Variants in MAP3K5 observed in about 807,000 individuals in gnomAD.
MAP3K5 encodes the protein ASK-1.
A neutral mutation model predicts 158.7 loss-of-function variants in MAP3K5; 56 were observed. That is an observed-to-expected ratio of 0.35 (90% CI 0.28 to 0.44). The LOEUF is 0.44. Ranked by LOEUF, MAP3K5 falls within the 20% of genes least tolerant of loss-of-function variation. The pLI is 1.00. For synonymous variants in MAP3K5, 579 were observed against 601.7 expected, an observed-to-expected ratio of 0.96 and a Z score of 0.55; for missense variants, 1,294 against 1,674.8, an observed-to-expected ratio of 0.77 and a Z score of 3.97.
intron 12 of MAP3K5, among the ~76,000 whole-genome samples, chr6:136,641,113 C>T (rs1777909686): frequency 1.3e-5 from 2 of 152,170 alleles, no homozygotes; most frequent in Admixed American, 1.3e-4. Flanking sequence ...GAGTGCCTTG[C>T]TAATGACTGG....
Position 136,701,907 on chromosome 6 carries a change from T to C in MAP3K5, c.612+3203A>G, listed in dbSNP as rs76937153. Among the ~76,000 whole-genome samples the C allele has an allele frequency of 7.2e-3, 1,095 of 152,334 alleles. 14 individuals carry two copies. The highest frequency in any genetic ancestry group is 0.025 in the African/African-American group (1,052 of 41,556). On this transcript the variant is annotated intron_variant, in intron 3 of 29. Transcript: ENST00000359015. ...TATATTAGTTTATCAGATATTATTA[T>C]TGAAATACGGGGCAATGGGGAATAC...
chr6:136,754,798 G>A (rs1582646262), intron 1 of MAP3K5, among the ~76,000 whole-genome samples: 2 of 152,236 alleles, frequency 1.3e-5, no homozygotes, highest in Admixed American at 6.5e-5. Context: ...GGAGGTCCTC[G>A]GCAGCCTAGG....
At chr6:136,778,820 C>A (rs1472359215) in intron 1 of MAP3K5, among the ~76,000 whole-genome samples, 1 of 152,068 alleles carries the variant, frequency 6.6e-6, no homozygotes, top group Non-Finnish European at 1.5e-5. Context: ...TTTCCCCAAA[C>A]AAAAAAACTG....
At chr6:136,748,134 T>A (rs1055631616) in intron 1 of MAP3K5, among the ~76,000 whole-genome samples, 1 of 152,246 alleles carries the variant, frequency 6.6e-6, no homozygotes, top group African/African-American at 2.4e-5. Flanking sequence ...TGTGTCCATG[T>A]AGGCATAGAG....
chr6:136,701,950 A>T (rs1417408381), intron 3 of MAP3K5, among the ~76,000 whole-genome samples: 2 of 152,218 alleles, frequency 1.3e-5, no homozygotes. Flanking sequence ...GTGTAAAACT[A>T]ATTCTGGGAG....
At chr6:136,752,191 T>C (rs1240390190) in intron 1 of MAP3K5, among the ~76,000 whole-genome samples, 1 of 152,214 alleles carries the variant, frequency 6.6e-6, no homozygotes, top group African/African-American at 2.4e-5. Flanking sequence ...GCCCTGGCAC[T>C]ACAGAGATGA....
At chr6:136,734,790 G>T (rs1201312633) in intron 1 of MAP3K5, among the ~76,000 whole-genome samples, 1 of 152,158 alleles carries the variant, frequency 6.6e-6, no homozygotes, top group Non-Finnish European at 1.5e-5. Flanking sequence ...CTTCAGTGAA[G>T]TTCCTCGGTC....
At chr6:136,634,794 T>C (rs1290605757) in intron 14 of MAP3K5, among the ~76,000 whole-genome samples, 1 of 152,010 alleles carries the variant, frequency 6.6e-6, no homozygotes, top group East Asian at 1.9e-4. Flanking sequence ...TTCGAACTCC[T>C]GGCCTCAAGT....
At chr6:136,686,745 T>A (rs1259871025) in intron 7 of MAP3K5, among the ~76,000 whole-genome samples, 2 of 152,114 alleles carry the variant, frequency 1.3e-5, no homozygotes, top group Non-Finnish European at 2.9e-5. Flanking sequence ...CAAGGAGAAC[T>A]ACAAACCACT....
At chr6:136,729,326 C>T (rs915347551) in intron 1 of MAP3K5, among the ~76,000 whole-genome samples, 6 of 150,592 alleles carry the variant, frequency 4.0e-5, no homozygotes, top group African/African-American at 1.5e-4. Flanking sequence ...GGATGGATGA[C>T]GTCAGACAAT....
At chr6:136,593,757 C>A in intron 21 of MAP3K5, 1 of 402,360 alleles carries the variant, frequency 2.5e-6, no homozygotes, top group Non-Finnish European at 4.8e-6. Context: ...CCAGAAACAT[C>A]TTTATCAAAC....
chr6:136,677,339 G>T (rs377050660), intron 7 of MAP3K5, among the ~76,000 whole-genome samples: 6 of 151,944 alleles, frequency 3.9e-5, no homozygotes, highest in Non-Finnish European at 7.4e-5. Flanking sequence ...GGGTTTCACC[G>T]TGTTAACCAG....
intron 7 of MAP3K5, among the ~76,000 whole-genome samples, chr6:136,691,344 C>T (rs529219390): frequency 1.3e-5 from 2 of 152,278 alleles, no homozygotes; most frequent in South Asian, 4.1e-4. Flanking sequence ...GGCACGGTGG[C>T]TCACACCTGT....
intron 15 of MAP3K5, among the ~76,000 whole-genome samples, chr6:136,618,491 C>T (rs1776663440): frequency 6.6e-6 from 1 of 152,182 alleles, no homozygotes; most frequent in Non-Finnish European, 1.5e-5. Flanking sequence ...TTTGAATAAA[C>T]TTAAACTACA....
chr6:136,690,561 G>T (rs549634823), intron 7 of MAP3K5, among the ~76,000 whole-genome samples: 34 of 152,244 alleles, frequency 2.2e-4, no homozygotes, highest in African/African-American at 7.5e-4. Flanking sequence ...GTGTAAAGTA[G>T]TATAAAAATA....
intron 23 of MAP3K5, among the ~76,000 whole-genome samples, chr6:136,591,485 C>T (rs1775384789): frequency 6.6e-6 from 1 of 152,222 alleles, no homozygotes; most frequent in African/African-American, 2.4e-5. Flanking sequence ...ATAGAGTTCA[C>T]ATTTATTTCA....
intron 8 of MAP3K5, among the ~76,000 whole-genome samples, chr6:136,668,885 A>G (rs535567758): frequency 5.3e-5 from 8 of 152,262 alleles, no homozygotes; most frequent in African/African-American, 1.7e-4. Context: ...CTTGAGAAAC[A>G]GATAAAGGAA....
intron 23 of MAP3K5, 73 bp downstream of exon 23, chr6:136,592,100 A>T: frequency 7.3e-7 from 1 of 1,367,864 alleles, no homozygotes; most frequent in Non-Finnish European, 9.9e-7. Context: ...ATCATCTGTG[A>T]CAGCTGCAGG....
chr6:136,596,475 G>A (rs565848374), intron 21 of MAP3K5, among the ~76,000 whole-genome samples: 32 of 152,120 alleles, frequency 2.1e-4, no homozygotes, highest in African/African-American at 7.0e-4. Context: ...ACTTCAAGAC[G>A]GGAAGCTGTG....
Sources: gnomAD v4.1 joint callset for allele counts (sites outside exome capture counted in the v4.1 genomes callset) on GRCh38, gnomAD v4.1.1 for gene constraint, MANE v1.5 for transcripts, NCBI Gene and HGNC (gene_info 2026-07-23, HGNC 2026-07-21) for gene names.